CWC25: variants seen among roughly 807,000 people sequenced by gnomAD.
CWC25 encodes CWC25 spliceosome associated protein, also known as pre-mRNA-splicing factor CWC25 homolog.
Under a neutral mutation model 54.6 loss-of-function variants are expected in CWC25, and 31 were observed. That is an observed-to-expected ratio of 0.57 (90% CI 0.43 to 0.77). The LOEUF (loss-of-function observed/expected upper bound fraction) is 0.77, where lower values mean the gene tolerates loss of function less well. Among genes scored for constraint, CWC25 ranks in the 30% least tolerant of loss-of-function variants. The probability of loss-of-function intolerance (pLI) is 0.00; values close to 1 mark genes in which losing one functional copy is unlikely to be tolerated. For missense variants in CWC25, 453 were observed against 529.3 expected (o/e 0.86, Z 1.41); for synonymous variants, 151 against 187.0 (o/e 0.81, Z 1.57).
chr17:38,814,449 CA>C (rs1911614340), intron 3 of CWC25, among the ~76,000 whole-genome samples: 1 of 150,268 alleles, frequency 6.7e-6, no homozygotes, highest in East Asian at 2.0e-4. Context: ...TTAATATTAT[CA>C]AGAAAATAGG....
At chr17:38,821,498 G>A (rs1274609794) in intron 1 of CWC25, among the ~76,000 whole-genome samples, 3 of 152,174 alleles carry the variant, frequency 2.0e-5, no homozygotes, top group African/African-American at 4.8e-5. Context: ...GGCGGAGGTT[G>A]CGGTGAGCCG....
At chr17:38,818,630 AACAGATGAAT>A (rs1370262044) in intron 2 of CWC25, among the ~76,000 whole-genome samples, 1 of 151,758 alleles carries the variant, frequency 6.6e-6, no homozygotes, top group Non-Finnish European at 1.5e-5. Context: ...ATACAAAACA[AACAGATGAAT>A]ACTTAAGTCA....
chr17:38,817,702 G>T (rs1286754145), intron 2 of CWC25, among the ~76,000 whole-genome samples: 4 of 152,104 alleles, frequency 2.6e-5, no homozygotes, highest in South Asian at 4.2e-4. Flanking sequence ...CAGGAGAATC[G>T]CTTGAACTCA....
At chr17:38,822,414 T>G (rs1911961510) in intron 1 of CWC25, among the ~76,000 whole-genome samples, 1 of 152,136 alleles carries the variant, frequency 6.6e-6, no homozygotes, top group Non-Finnish European at 1.5e-5. Context: ...CTACTTCACC[T>G]GCCCTAAACT....
In CWC25 at chr17:38,814,972, C is replaced by G. The variant is rs1174677133; in HGVS notation, c.317G>C (p.Gly106Ala). 1 of 1,613,698 alleles carries G rather than the reference C, an allele frequency of 6.2e-7. No individual in the cohort carries two copies. The highest frequency in any genetic ancestry group is 2.2e-5 in the East Asian group (1 of 44,880). Residue 106 changes from glycine (G) to alanine (A), a missense_variant, in exon 3 of 10, where the codon GGC becomes GCC. By Grantham distance (60) the Gly-to-Ala change is moderately conservative. This residue lies in a region of CWC25 where 444 missense variants were observed against 499.2 expected (regional missense o/e 0.89). Coordinates refer to ENST00000614790, the MANE Select transcript of CWC25 (RefSeq NM_017748.5). The part of the protein sequence containing the change: ...VFEKMEEKEA[G>A]CSSETGLLPG... ...GAGAAGTCCTGTTTCAGAAGAGCAG[C>G]CTGCCTCCTTCTCCTCCATCTTCTC...
intron 2 of CWC25, among the ~76,000 whole-genome samples, chr17:38,817,813 A>G (rs1026599514): frequency 1.3e-5 from 2 of 151,594 alleles, no homozygotes; most frequent in African/African-American, 4.8e-5. Context: ...AATAATAATA[A>G]TAATTAGCCA....
chr17:38,815,659 A>C (rs1369345224), intron 2 of CWC25: 1 of 1,288,814 alleles, frequency 7.8e-7, no homozygotes, highest in African/African-American at 1.5e-5. Context: ...AGTGTTCCTC[A>C]ACATGGGGTG....
intron 1 of CWC25, among the ~76,000 whole-genome samples, chr17:38,824,596 G>A (rs1001250317): frequency 6.6e-6 from 1 of 151,874 alleles, no homozygotes; most frequent in African/African-American, 2.4e-5. Context: ...TGAGGCAGGA[G>A]AATCGCTTGA....
chr17:38,802,043 G>A lies in CWC25; in HGVS notation c.*49C>T. ...TCTTATAAAGAGAATTAAGGGGTCA[G>A]CAGCTTCCCTGGAAAATGCAGGAAA... On this transcript the variant is annotated 3_prime_UTR_variant, in exon 10 of 10. Coordinates refer to ENST00000614790, the MANE Select transcript of CWC25 (RefSeq NM_017748.5). 8.2e-7 allele frequency: 1 copy of A among 1,218,280 alleles called. No individual in the cohort carries two copies. The highest frequency in any genetic ancestry group is 1.2e-6 in the Non-Finnish European group (1 of 830,500). The allele number at this position is 1,218,280 out of a possible 1,614,324, so 75.5% of individuals were successfully genotyped here.
At chr17:38,803,012 T>G (rs1911092361) in intron 8 of CWC25, among the ~76,000 whole-genome samples, 151 bp from the exon 9 acceptor site, 1 of 152,218 alleles carries the variant, frequency 6.6e-6, no homozygotes, top group African/African-American at 2.4e-5. Context: ...TCTAACGTCC[T>G]GGTCAGGAGG....
At chr17:38,804,666 G>A (rs1484185201) in intron 8 of CWC25, among the ~76,000 whole-genome samples, 1 of 151,722 alleles carries the variant, frequency 6.6e-6, no homozygotes, top group Non-Finnish European at 1.5e-5. Context: ...AAATTAGCTG[G>A]GCATGGTGGC....
intron 4 of CWC25, among the ~76,000 whole-genome samples, chr17:38,811,273 C>T (rs891941580): frequency 6.7e-6 from 1 of 150,000 alleles, no homozygotes; most frequent in Non-Finnish European, 1.5e-5. Context: ...GTGGCTCATA[C>T]CTGTAATCCC....
rs1440617939 is a variant in CWC25, at chr17:38,814,881, C to T, written c.408G>A (p.Glu136=). Residue 136 remains glutamate, a synonymous_variant, in exon 3 of 10, where the codon GAG becomes GAA. Coordinates refer to ENST00000614790, the MANE Select transcript of CWC25 (RefSeq NM_017748.5). The part of the protein sequence containing the change: ...SLLDMASKIR[E]DPLFIIRKKE... The stretch of plus-strand genomic sequence containing the variant: ...AGTACCTGATGATGAAGAGTGGGTC[C>T]TCCCGGATCTTGCTGGCCATGTCAA... The T allele has an allele frequency of 6.2e-7, 1 of 1,613,440 alleles. No individual in the cohort carries two copies. Among genetic ancestry groups the T allele is most frequent in the South Asian group, 1.1e-5 (1 of 91,052 alleles).
Position 38,802,154 on chromosome 17 carries a change from G to T in CWC25, c.1216C>A (p.Arg406=), listed in dbSNP as rs538560317. ...STSSLEDRVK[R]NIYSLQRTSV... ...GTTCTCTGTAAAGAGTAGATATTCC[G>T]CTTCACCCGATCCTCCAGGGAGGAA... Residue 406 remains arginine, a synonymous_variant, in exon 10 of 10, where the codon CGG becomes AGG. Transcript: ENST00000614790. 1.2e-6 allele frequency: 2 copies of T among 1,613,764 alleles called. No individual in the cohort carries two copies. Among genetic ancestry groups the T allele is most frequent in the Non-Finnish European group, 1.7e-6 (2 of 1,179,812 alleles).
At chr17:38,813,924 C>T (rs577888856) in intron 3 of CWC25, among the ~76,000 whole-genome samples, 5 of 151,854 alleles carry the variant, frequency 3.3e-5, no homozygotes, top group Admixed American at 2.6e-4. Context: ...TGCAGTGGCG[C>T]GATCTCAGGT....
intron 4 of CWC25, among the ~76,000 whole-genome samples, 197 bp from the exon 5 acceptor site, chr17:38,810,792 G>A (rs190309463): frequency 6.5e-4 from 98 of 151,722 alleles, no homozygotes; most frequent in African/African-American, 2.1e-3. Context: ...GTGTGGTGGT[G>A]GGCACCTGTA....
chr17:38,821,908 A>G (rs1185055550), intron 1 of CWC25, among the ~76,000 whole-genome samples: 1 of 146,606 alleles, frequency 6.8e-6, no homozygotes, highest in Non-Finnish European at 1.5e-5. Context: ...TAGCTGGACT[A>G]TAGGCACGTG....
intron 2 of CWC25, among the ~76,000 whole-genome samples, chr17:38,819,424 T>C (rs1911834787): frequency 6.6e-6 from 1 of 150,888 alleles, no homozygotes; most frequent in Admixed American, 6.6e-5. Context: ...TGGAGTACAC[T>C]GGCGCAATCT....
Position 38,807,281 on chromosome 17 carries a change from C to T in CWC25, c.691-305G>A, listed in dbSNP as rs188639096. ...GAGGTTGCAGTGAGCTGAGATCGCACCACTGCACTCCAGCCTGGATGACAG... is the reference window on the plus strand; with the variant it reads ...GAGGTTGCAGTGAGCTGAGATCGCATCACTGCACTCCAGCCTGGATGACAG... On this transcript the variant is annotated intron_variant, in intron 6 of 9. Transcript: ENST00000614790. Among the ~76,000 whole-genome samples, 343 of 126,642 alleles carry T rather than the reference C, an allele frequency of 2.7e-3. 24 individuals are homozygous for T. Among genetic ancestry groups the T allele is most frequent in the Middle Eastern group, 0.017 (4 of 232 alleles). 83.1% of individuals were successfully genotyped at this position (126,642 alleles called of 152,430 possible). A position where few individuals can be genotyped will look rare whatever the true frequency, so the allele number is the denominator to read the frequency against.
Sources: allele counts gnomAD v4.1 joint callset (sites outside exome capture counted in the v4.1 genomes callset), GRCh38; gene constraint gnomAD v4.1.1; regional missense constraint gnomAD v4.1.1; transcripts MANE v1.5; gene names NCBI Gene and HGNC (gene_info 2026-07-23, HGNC 2026-07-21).